The following SYT13 variants were observed in gnomAD, a reference collection of about 807,000 sequenced individuals.
The protein encoded by SYT13 is synaptotagmin-13.
In SYT13, 21 loss-of-function variants were observed where a neutral mutation model predicts 38.6. The ratio of observed to expected loss-of-function variants is 0.54; its 90% confidence interval spans 0.39 to 0.78. The LOEUF is 0.78. SYT13 is among the 30% of genes least tolerant of loss of function. The pLI is 0.00. For synonymous variants in SYT13, 241 were observed against 237.6 expected, an observed-to-expected ratio of 1.01 and a Z score of -0.13; for missense variants, 495 against 548.7, an observed-to-expected ratio of 0.90 and a Z score of 0.98.
rs544095801 is a variant in SYT13, at chr11:45,242,112, A to G, written c.*1940T>C. The stretch of plus-strand genomic sequence containing the variant: ...GACTTGTTGAAGGAATGAAGCCCTT[A>G]CCCATCTTGTCCAGAAATTCTGTCT... On this transcript the variant is annotated 3_prime_UTR_variant, in exon 6 of 6. Coordinates refer to ENST00000020926, the MANE Select transcript of SYT13 (RefSeq NM_020826.3). 2.0e-5 allele frequency: 3 copies of G among 152,294 alleles called. No homozygotes were observed. The East Asian group carries it at 5.8e-4, about 29-fold the overall frequency. 9.4% of individuals were successfully genotyped at this position (152,294 alleles called of 1,614,324 possible). A position where few individuals can be genotyped will look rare whatever the true frequency, so the allele number is the denominator to read the frequency against.
intron 1 of SYT13, among the ~76,000 whole-genome samples, chr11:45,268,496 G>A (rs1330745480): frequency 2.6e-5 from 4 of 152,168 alleles, no homozygotes; most frequent in Non-Finnish European, 5.9e-5. Context: ...ATCATATGCA[G>A]CTTTACCATG....
At chr11:45,265,015 T>C (rs1565388213) in intron 1 of SYT13, among the ~76,000 whole-genome samples, 1 of 152,216 alleles carries the variant, frequency 6.6e-6, no homozygotes, top group Non-Finnish European at 1.5e-5. Flanking sequence ...AAGGAAAACA[T>C]GAATCTGCAA....
chr11:45,251,068 G>C (rs541202636), intron 4 of SYT13, among the ~76,000 whole-genome samples: 2 of 152,164 alleles, frequency 1.3e-5, no homozygotes, highest in South Asian at 4.2e-4. Context: ...AGAGTCCTAA[G>C]CATAGTAACT....
chr11:45,285,226 A>C (rs1322060668), intron 1 of SYT13, among the ~76,000 whole-genome samples: 3 of 152,224 alleles, frequency 2.0e-5, no homozygotes, highest in African/African-American at 7.2e-5. Context: ...AAATCCTTCC[A>C]AACTGCTTCC....
intron 1 of SYT13, among the ~76,000 whole-genome samples, chr11:45,278,872 GA>G (rs1209381114): frequency 2.0e-5 from 3 of 152,182 alleles, no homozygotes; most frequent in African/African-American, 7.2e-5. Context: ...ATTTCTTGAT[GA>G]AAAATTCATA....
At chr11:45,246,683 G>A (rs537140568) in intron 4 of SYT13, among the ~76,000 whole-genome samples, 171 bp from the exon 5 acceptor site, 23 of 152,316 alleles carry the variant, frequency 1.5e-4, no homozygotes, top group Admixed American at 7.8e-4. Context: ...GCAAGGCACA[G>A]AGGAATTCCA....
intron 1 of SYT13, among the ~76,000 whole-genome samples, chr11:45,277,268 T>C (rs536810563): frequency 2.2e-4 from 33 of 152,298 alleles, no homozygotes; most frequent in Middle Eastern, 6.8e-3. Flanking sequence ...GGGGTTTTCT[T>C]CTGAGGTGAG....
chr11:45,251,258 G>T (rs370877139), intron 4 of SYT13, among the ~76,000 whole-genome samples: 1 of 151,530 alleles, frequency 6.6e-6, no homozygotes, highest in Non-Finnish European at 1.5e-5. Flanking sequence ...GCGTGGTGGC[G>T]TGTGGCTGTA....
intron 1 of SYT13, among the ~76,000 whole-genome samples, chr11:45,262,950 T>C (rs1290343851): frequency 6.6e-6 from 1 of 152,106 alleles, no homozygotes; most frequent in African/African-American, 2.4e-5. Context: ...AGAAGTGCCT[T>C]CAGTCGCCTT....
intron 1 of SYT13, among the ~76,000 whole-genome samples, chr11:45,268,439 G>A (rs1208437071): frequency 6.6e-6 from 1 of 151,788 alleles, no homozygotes; most frequent in Admixed American, 6.6e-5. Flanking sequence ...AGAATTTGAG[G>A]GTCAGGGAAA....
intron 1 of SYT13, among the ~76,000 whole-genome samples, chr11:45,262,147 G>T (rs971572122): frequency 6.6e-6 from 1 of 152,144 alleles, no homozygotes; most frequent in Non-Finnish European, 1.5e-5. Flanking sequence ...TAGAAAGAAG[G>T]AATGTTCTGA....
At position 45,241,597 on chromosome 11, in the gene SYT13, G is replaced by A. The variant is rs1044779410; in HGVS notation, c.*2455C>T. ...GGTGGAGTTGATAATTCTGGGATCG[G>A]GGCCCCGCCCAGCCCACCTGAAATT... On this transcript the variant is annotated 3_prime_UTR_variant, in exon 6 of 6. Coordinates refer to ENST00000020926, the MANE Select transcript of SYT13 (RefSeq NM_020826.3). The A allele has an allele frequency of 6.7e-6, 1 of 149,714 alleles. No individual in the cohort carries two copies. The allele number at this position is 149,714 out of a possible 1,614,324, so 9.3% of individuals were successfully genotyped here. A position where few individuals can be genotyped will look rare whatever the true frequency, so the allele number is the denominator to read the frequency against.
At chr11:45,261,618 A>G (rs980835900) in intron 1 of SYT13, among the ~76,000 whole-genome samples, 2 of 151,398 alleles carry the variant, frequency 1.3e-5, no homozygotes, top group Non-Finnish European at 2.9e-5. Context: ...AAAAGAAAAC[A>G]AAAGGAAAGA....
chr11:45,247,148 C>A (rs771545636), intron 4 of SYT13, among the ~76,000 whole-genome samples: 20 of 152,202 alleles, frequency 1.3e-4, no homozygotes, highest in Middle Eastern at 3.2e-3. Context: ...ACACATCTAT[C>A]CCTGCACGCA....
intron 1 of SYT13, among the ~76,000 whole-genome samples, chr11:45,264,890 G>A (rs565497016): frequency 6.6e-6 from 1 of 152,210 alleles, no homozygotes; most frequent in Non-Finnish European, 1.5e-5. Context: ...ACTAGTGCCG[G>A]TGGAAGGGAA....
chr11:45,265,697 A>G (rs1854873869), intron 1 of SYT13, among the ~76,000 whole-genome samples: 1 of 152,148 alleles, frequency 6.6e-6, no homozygotes, highest in Non-Finnish European at 1.5e-5. Context: ...CTTTACCCTC[A>G]TGACCTGATC....
chr11:45,269,853 T>C (rs974752637), intron 1 of SYT13, among the ~76,000 whole-genome samples: 10 of 152,348 alleles, frequency 6.6e-5, no homozygotes, highest in African/African-American at 2.4e-4. Context: ...TTCTGGCAGG[T>C]GTCACATCAT....
chr11:45,252,833 G>C lies in SYT13; in HGVS notation c.545-111C>G, dbSNP rs1854696364. The stretch of plus-strand genomic sequence containing the variant: ...ATCCAGCTTAACGACGTGACCTTGG[G>C]TGTCAGAAAGGCTGACCACCCTGGG... On this transcript the variant is annotated intron_variant, in intron 3 of 5. Transcript: ENST00000020926. The surrounding 1 kb of genome is among the most constrained non-coding windows in gnomAD (Gnocchi z 4.3). 2 of 1,253,310 alleles carry C rather than the reference G, an allele frequency of 1.6e-6. No homozygotes were observed. Among genetic ancestry groups the C allele is most frequent in the Non-Finnish European group, 2.1e-6 (2 of 932,688 alleles). 77.6% of individuals were successfully genotyped at this position (1,253,310 alleles called of 1,614,324 possible).
At chr11:45,268,899 G>A (rs781030186) in intron 1 of SYT13, among the ~76,000 whole-genome samples, 14 of 152,154 alleles carry the variant, frequency 9.2e-5, no homozygotes, top group Non-Finnish European at 2.1e-4. Flanking sequence ...TAAAAGGCAT[G>A]GCCAACACTG....
Sources: allele counts gnomAD v4.1 joint callset (sites outside exome capture counted in the v4.1 genomes callset), GRCh38; gene constraint gnomAD v4.1.1; non-coding constraint Gnocchi (gnomAD v3.1); transcripts MANE v1.5; gene names NCBI Gene and HGNC (gene_info 2026-07-23, HGNC 2026-07-21).